Variants in NPRL3 observed in about 807,000 individuals in gnomAD.
NPRL3 encodes the protein GATOR1 complex protein NPRL3.
Under a neutral mutation model 57.2 loss-of-function variants are expected in NPRL3, and 23 were observed. The ratio of observed to expected loss-of-function variants is 0.40; its 90% CI spans 0.29 to 0.57. The LOEUF is 0.57. Ranked by LOEUF, NPRL3 falls within the 20% of genes least tolerant of loss-of-function variation. The pLI is 0.42. For synonymous variants in NPRL3, 333 were observed against 321.1 expected, an observed-to-expected ratio of 1.04 and a Z score of -0.39; for missense variants, 691 against 767.1, an observed-to-expected ratio of 0.90 and a Z score of 1.17.
At chr16:98,468 C>T (rs1024351390) in intron 8 of NPRL3, among the ~76,000 whole-genome samples, 167 bp from the exon 9 acceptor site, 6 of 151,774 alleles carry the variant, frequency 4.0e-5, no homozygotes, top group South Asian at 2.1e-4. Flanking sequence ...ACGGAACATA[C>T]GAAGTGCAGG....
At chr16:90,333 A>C in intron 11 of NPRL3, 1 of 183,686 alleles carries the variant, frequency 5.4e-6, no homozygotes, top group Non-Finnish European at 1.1e-5. Flanking sequence ...AAGCCCAGAC[A>C]CTGTTTAAAA....
intron 3 of NPRL3, among the ~76,000 whole-genome samples, chr16:123,218 G>A (rs963216392): frequency 1.3e-5 from 2 of 152,200 alleles, no homozygotes; most frequent in African/African-American, 2.4e-5. Context: ...CCTACCTGGA[G>A]GAAGAGGAGG....
At chr16:118,093 G>A (rs1006286290) in intron 4 of NPRL3, among the ~76,000 whole-genome samples, 7 of 152,210 alleles carry the variant, frequency 4.6e-5, no homozygotes, top group African/African-American at 1.7e-4. Flanking sequence ...TGATGAGAAG[G>A]GAGGGTGCGG....
In NPRL3 at chr16:86,612, G is replaced by C; in HGVS notation, c.*93C>G. Reference sequence around the variant, plus strand: ...ACCCAATGCCAGGCCTCAGGGCCAAGAGGGCTCAGCCTCAGCACGGGGGGA... The same window carrying C: ...ACCCAATGCCAGGCCTCAGGGCCAACAGGGCTCAGCCTCAGCACGGGGGGA... On this transcript the variant is annotated 3_prime_UTR_variant, in exon 14 of 14. Transcript: ENST00000611875. 1 of 1,324,472 alleles carries C rather than the reference G, an allele frequency of 7.6e-7. No homozygotes were observed. The highest frequency in any genetic ancestry group is 1.0e-6 in the Non-Finnish European group (1 of 978,734). 82.0% of individuals were successfully genotyped at this position (1,324,472 alleles called of 1,614,324 possible). A position where few individuals can be genotyped will look rare whatever the true frequency, so the allele number is the denominator to read the frequency against.
chr16:98,363 C>A (rs1899114931), intron 8 of NPRL3, 62 bp from the exon 9 acceptor site: 3 of 1,550,954 alleles, frequency 1.9e-6, no homozygotes, highest in Non-Finnish European at 2.6e-6. Flanking sequence ...CGGGTATGCA[C>A]CAGGTCCTGC....
At chr16:113,489 G>A (rs893966560) in intron 5 of NPRL3, among the ~76,000 whole-genome samples, 1 of 152,194 alleles carries the variant, frequency 6.6e-6, no homozygotes, top group Admixed American at 6.5e-5. Flanking sequence ...GAACAAGAGG[G>A]GCCCTCGACC....
At position 89,809 on chromosome 16, in the gene NPRL3, C is replaced by G. The variant is rs1183300636; in HGVS notation, c.1255G>C (p.Glu419Gln). The part of the protein sequence containing the change: ...YVCLMASPSE[E>Q]EPRPREDDVP... ...TCGTCCTCTCGCGGACGGGGCTCCT[C>G]CTCGCTGGGTGAGGCCATCAGGCAG... is the stretch of plus-strand genomic sequence containing the variant. Residue 419 changes from glutamate to glutamine, a missense_variant, in exon 12 of 14, where the codon GAG (glutamate) becomes CAG (glutamine). By Grantham distance (29) the Glu-to-Gln change is conservative (BLOSUM62 2). Transcript: ENST00000611875. 1 of 1,595,200 alleles carries G rather than the reference C, an allele frequency of 6.3e-7. No individual in the cohort carries two copies. Among genetic ancestry groups the G allele is most frequent in the African/African-American group, 1.3e-5 (1 of 74,314 alleles).
chr16:127,996 T>TC (rs1555445170), intron 3 of NPRL3, among the ~76,000 whole-genome samples: 31 of 121,524 alleles, frequency 2.6e-4, no homozygotes, highest in African/African-American at 4.6e-4. Context: ...ATCTTCTTCT[T>TC]TTTTTTTTTT....
intron 3 of NPRL3, among the ~76,000 whole-genome samples, chr16:129,772 T>C (rs756417453): frequency 1.3e-5 from 2 of 152,148 alleles, no homozygotes; most frequent in Non-Finnish European, 2.9e-5. Flanking sequence ...AGGCCCAGCA[T>C]AGGGATCTTA....
chr16:138,531 TAGGGCAGGGG>T lies in NPRL3; in HGVS notation c.-68+101_-68+110del, dbSNP rs1901249755. The T allele has an allele frequency of 6.2e-3, 2 of 322 alleles. 1 individual carries two copies. Among genetic ancestry groups the T allele is most frequent in the Non-Finnish European group, 0.013 (2 of 152 alleles). The allele number at this position is 322 out of a possible 1,614,324, so 0.0% of individuals were successfully genotyped here. On this transcript the variant is annotated intron_variant, in intron 1 of 13. Transcript: ENST00000611875. Reference sequence around the variant, plus strand: ...GGGGTGGAGGCGGAGGGGGCCTGAGTAGGGCAGGGGTGGAGGCGGAGGGGGCCTGAGGAGG... The same window carrying T: ...GGGGTGGAGGCGGAGGGGGCCTGAGTTGGAGGCGGAGGGGGCCTGAGGAGG...
At chr16:110,179 G>C (rs149144152) in intron 7 of NPRL3, among the ~76,000 whole-genome samples, 406 of 152,274 alleles carry the variant, frequency 2.7e-3, no homozygotes, top group African/African-American at 9.1e-3. Flanking sequence ...TGAGGCAGGA[G>C]AATCTCTTAA....
rs368729384 is a variant in NPRL3 at position 93,254 on chromosome 16, G to A, written c.996C>T (p.Asn332=). 2.7e-5 allele frequency: 42 copies of A among 1,559,454 alleles called. No individual in the cohort carries two copies. Among genetic ancestry groups the A allele is most frequent in the South Asian group, 1.2e-4 (10 of 84,428 alleles). The change falls in exon 10 of 14, where the codon AAC becomes AAT. Residue 332 remains asparagine (N), a synonymous_variant. Transcript: ENST00000611875. ...TGGCATTGGGAGACAGCATGTAGAC[G>A]TTGTTCTCACACAGCGGGTAGATGA... The part of the protein sequence containing the change: ...AIIIYPLCEN[N]VYMLSPNASV...
chr16:100,632 C>G (rs1392594255), intron 7 of NPRL3, 123 bp from the exon 8 acceptor site: 1 of 978,394 alleles, frequency 1.0e-6, no homozygotes, highest in Non-Finnish European at 1.4e-6. Context: ...AGGTGGAGAC[C>G]CGGGCAGGAG....
At chr16:131,614 A>G (rs1162517802) in intron 2 of NPRL3, among the ~76,000 whole-genome samples, 25 of 151,410 alleles carry the variant, frequency 1.7e-4, no homozygotes, top group Admixed American at 1.6e-3. Flanking sequence ...AAAAAAAAAA[A>G]AAAAACGCTA....
At chr16:93,430 C>A (rs1266001070) in intron 9 of NPRL3, 105 bp from the exon 10 acceptor site, 3 of 735,802 alleles carry the variant, frequency 4.1e-6, no homozygotes, top group Non-Finnish European at 7.3e-6. Flanking sequence ...CCTGGAGAAG[C>A]TGGCCCCAGC....
chr16:112,696 C>T lies in NPRL3; in HGVS notation c.473G>A (p.Arg158His), dbSNP rs1215682749. The part of the protein sequence containing the change: ...RIATVLQHEE[R>H]RCQYLTREAK... Reference sequence around the variant, plus strand: ...CTCCCGGGTGAGGTACTGGCAGCGGCGCTCCTCGTGCTGCAGCACGGTGGC... The same window carrying T: ...CTCCCGGGTGAGGTACTGGCAGCGGTGCTCCTCGTGCTGCAGCACGGTGGC... The change falls in exon 6 of 14, where the codon CGC becomes CAC. Residue 158 changes from arginine to histidine, a missense_variant. Transcript: ENST00000611875. The T allele has an allele frequency of 2.5e-6, 4 of 1,610,580 alleles. No homozygotes were observed. Among genetic ancestry groups the T allele is most frequent in the Admixed American group, 1.7e-5 (1 of 59,708 alleles).
chr16:107,329 T>A (rs1899576568), intron 7 of NPRL3, among the ~76,000 whole-genome samples: 1 of 151,484 alleles, frequency 6.6e-6, no homozygotes, highest in Non-Finnish European at 1.5e-5. Flanking sequence ...TAAGAAATCA[T>A]AGTCCATTCT....
Position 101,968 on chromosome 16 carries a change from G to A in NPRL3, c.630-1459C>T, listed in dbSNP as rs116552708. 4.7e-3 allele frequency among the ~76,000 whole-genome samples: 718 copies of A among 152,296 alleles called. 7 individuals are homozygous for A. Among genetic ancestry groups the A allele is most frequent in the African/African-American group, 0.016 (681 of 41,564 alleles). ...AACTCACTCCTGAGGAGGGGGGCTTGTGGGTTTCATTCTCTGCTCTCTACA... is the reference window on the plus strand; with the variant it reads ...AACTCACTCCTGAGGAGGGGGGCTTATGGGTTTCATTCTCTGCTCTCTACA... On this transcript the variant is annotated intron_variant, in intron 7 of 13. Coordinates refer to ENST00000611875, the MANE Select transcript of NPRL3 (RefSeq NM_001077350.3).
At chr16:127,331 G>A (rs559368373) in intron 3 of NPRL3, 1 of 147,558 alleles carries the variant, frequency 6.8e-6, no homozygotes, top group South Asian at 2.1e-4. Flanking sequence ...CTCACTGCAA[G>A]CTCCATGTCC....
Sources: gnomAD v4.1 joint callset for allele counts (sites outside exome capture counted in the v4.1 genomes callset) on GRCh38, gnomAD v4.1.1 for gene constraint, MANE v1.5 for transcripts, NCBI Gene and HGNC (gene_info 2026-07-23, HGNC 2026-07-21) for gene names.